Variants in NLN observed in about 807,000 individuals in gnomAD.
NLN encodes the protein neurolysin, mitochondrial.
In NLN, 64 loss-of-function variants were observed where a neutral mutation model predicts 79.9. The ratio of observed to expected loss-of-function variants is 0.80; its 90% CI spans 0.65 to 0.99. NLN has a LOEUF of 0.99. Among genes scored for constraint, NLN ranks in the 50% least tolerant of loss-of-function variants. The probability of loss-of-function intolerance (pLI) is 0.00; values close to 1 mark genes in which losing one functional copy is unlikely to be tolerated. For synonymous variants in NLN, 267 were observed against 296.6 expected (o/e 0.90, Z 1.02); for missense variants, 835 against 858.7 (o/e 0.97, Z 0.34).
chr5:65,814,916 G>A (rs1366752794), intron 12 of NLN, among the ~76,000 whole-genome samples: 1 of 151,908 alleles, frequency 6.6e-6, no homozygotes, highest in Non-Finnish European at 1.5e-5. Context: ...TTTAAAGTGT[G>A]TTTTAAAAAA....
intron 1 of NLN, 81 bp downstream of exon 1, chr5:65,722,495 C>A: frequency 8.0e-7 from 1 of 1,252,284 alleles, no homozygotes; most frequent in Non-Finnish European, 1.1e-6. Flanking sequence ...CCGGACCCAC[C>A]CCTTCCCGAC....
chr5:65,804,422 T>TTGAAGGTTTATG lies in NLN; in HGVS notation c.1528-5091_1528-5080dup, dbSNP rs570393935. Among the ~76,000 whole-genome samples the TTGAAGGTTTATG allele has an allele frequency of 3.3e-3, 501 of 152,384 alleles. 4 individuals are homozygous for TTGAAGGTTTATG. The highest frequency in any genetic ancestry group is 4.7e-3 in the Non-Finnish European group (320 of 68,036). On this transcript the variant is annotated intron_variant, in intron 9 of 12. Transcript: ENST00000380985. ...TCACAGATATTTTGTTTTTTACAAA[T>TTGAAGGTTTATG]TGAAGGTTTATGTCAACCATGCTTT... is the stretch of plus-strand genomic sequence containing the variant.
At chr5:65,818,282 C>T (rs1459156306) in intron 12 of NLN, among the ~76,000 whole-genome samples, 3 of 152,104 alleles carry the variant, frequency 2.0e-5, no homozygotes, top group Admixed American at 6.6e-5. Context: ...TTTTATTCAG[C>T]GTTGGGTTCC....
intron 1 of NLN, among the ~76,000 whole-genome samples, chr5:65,755,611 A>T (rs905755518): frequency 1.3e-5 from 2 of 152,214 alleles, no homozygotes; most frequent in Non-Finnish European, 2.9e-5. Context: ...TAATCAGTCA[A>T]ATATTTAAAT....
At chr5:65,791,887 T>C (rs1268338981) in intron 8 of NLN, among the ~76,000 whole-genome samples, 1 of 152,200 alleles carries the variant, frequency 6.6e-6, no homozygotes, top group African/African-American at 2.4e-5. Flanking sequence ...AATAGTCTAA[T>C]TGATAGTATA....
intron 3 of NLN, among the ~76,000 whole-genome samples, chr5:65,765,772 A>G (rs1366791248): frequency 6.6e-6 from 1 of 152,030 alleles, no homozygotes; most frequent in Non-Finnish European, 1.5e-5. Context: ...AGGATCTTAA[A>G]TTTATATGAT....
intron 3 of NLN, among the ~76,000 whole-genome samples, chr5:65,771,310 T>C (rs1002983934): frequency 2.0e-5 from 3 of 152,208 alleles, no homozygotes; most frequent in African/African-American, 7.2e-5. Flanking sequence ...TTCTCAATTG[T>C]TGGCTTTTAA....
intron 12 of NLN, among the ~76,000 whole-genome samples, chr5:65,817,664 G>A (rs1402336579): frequency 1.3e-5 from 2 of 152,164 alleles, no homozygotes; most frequent in African/African-American, 2.4e-5. Flanking sequence ...ATATGAACAA[G>A]TATCACTTCT....
intron 1 of NLN, among the ~76,000 whole-genome samples, chr5:65,738,085 C>T (rs1758768069): frequency 6.6e-6 from 1 of 150,686 alleles, no homozygotes. Flanking sequence ...GCCAAGATTG[C>T]ACCATGGCAC....
chr5:65,805,321 C>T (rs796213401), intron 9 of NLN, among the ~76,000 whole-genome samples: 8 of 152,280 alleles, frequency 5.3e-5, no homozygotes, highest in Non-Finnish European at 7.3e-5. Flanking sequence ...TCAAACTTCA[C>T]GAGGGAGGCA....
In NLN at chr5:65,781,270, C is replaced by T; in HGVS notation, c.671C>T (p.Pro224Leu). Reference sequence around the variant, plus strand: ...AAATGATTTTTTGCAGGTGCTCTTCCTGATGATTTCATTGACAGTTTAGAA... The same window carrying T: ...AAATGATTTTTTGCAGGTGCTCTTCTTGATGATTTCATTGACAGTTTAGAA... ...VFSKAELGAL[P>L]DDFIDSLEKT... is the part of the protein sequence containing the mutation. Residue 224 changes from proline (P) to leucine (L), a missense_variant, in exon 6 of 13, where the codon CCT becomes CTT. By Grantham distance (98) the Pro-to-Leu change is moderately conservative. Coordinates refer to ENST00000380985, the MANE Select transcript of NLN (RefSeq NM_020726.5). 6.2e-7 allele frequency: 1 copy of T among 1,606,116 alleles called. No individual in the cohort carries two copies. Among genetic ancestry groups the T allele is most frequent in the Non-Finnish European group, 8.5e-7 (1 of 1,176,108 alleles).
At chr5:65,781,891 G>A (rs1759807325) in intron 6 of NLN, among the ~76,000 whole-genome samples, 1 of 152,098 alleles carries the variant, frequency 6.6e-6, no homozygotes, top group Non-Finnish European at 1.5e-5. Context: ...GGATCTCTGG[G>A]TGATACAGTT....
At chr5:65,799,639 T>C (rs1304149196) in intron 9 of NLN, among the ~76,000 whole-genome samples, 2 of 152,214 alleles carry the variant, frequency 1.3e-5, no homozygotes, top group African/African-American at 4.8e-5. Flanking sequence ...TTAAATAAGA[T>C]GTACCTGATC....
At chr5:65,768,909 A>G (rs1759509481) in intron 3 of NLN, among the ~76,000 whole-genome samples, 1 of 152,242 alleles carries the variant, frequency 6.6e-6, no homozygotes. Context: ...TTACAAATAC[A>G]GCCACATTGG....
At chr5:65,818,283 G>A (rs1013184894) in intron 12 of NLN, among the ~76,000 whole-genome samples, 5 of 152,074 alleles carry the variant, frequency 3.3e-5, no homozygotes, top group African/African-American at 9.7e-5. Flanking sequence ...TTTATTCAGC[G>A]TTGGGTTCCC....
Position 65,759,367 on chromosome 5 carries a change from G to C in NLN, c.301+541G>C, listed in dbSNP as rs947354443. Among the ~76,000 whole-genome samples, 11 of 151,590 alleles carry C rather than the reference G, an allele frequency of 7.3e-5. No individual in the cohort carries two copies. In the South Asian group the frequency reaches 2.3e-3, roughly 32 times the overall value. ...TCAATGGTTTTGTTAGGATTCTCTA[G>C]AGAAATTGAACCTATAGGGTGTGTG... On this transcript the variant is annotated intron_variant, in intron 2 of 12. Transcript: ENST00000380985.
intron 12 of NLN, 132 bp from the exon 13 acceptor site, chr5:65,822,649 A>G (rs1458961809): frequency 1.2e-5 from 8 of 679,492 alleles, no homozygotes; most frequent in Admixed American, 7.6e-5. Context: ...GTTTGTGAGC[A>G]AGAGAAAACA....
intron 12 of NLN, among the ~76,000 whole-genome samples, chr5:65,816,585 T>C (rs1184771019): frequency 6.6e-6 from 1 of 151,114 alleles, no homozygotes; most frequent in Non-Finnish European, 1.5e-5. Flanking sequence ...CAGTACACCA[T>C]ACATTACTTA....
intron 9 of NLN, among the ~76,000 whole-genome samples, chr5:65,794,814 G>T (rs1760137791): frequency 6.6e-6 from 1 of 152,104 alleles, no homozygotes; most frequent in African/African-American, 2.4e-5. Flanking sequence ...CCTAATCATT[G>T]TAATAACCCA....
Sources: allele counts gnomAD v4.1 joint callset (sites outside exome capture counted in the v4.1 genomes callset), GRCh38; gene constraint gnomAD v4.1.1; transcripts MANE v1.5; gene names NCBI Gene and HGNC (gene_info 2026-07-23, HGNC 2026-07-21).